NTNG2: variants seen among roughly 807,000 people sequenced by gnomAD.
NTNG2 encodes the protein netrin G2.
A neutral mutation model predicts 47.6 loss-of-function variants in NTNG2; 15 were observed. That is an observed-to-expected ratio of 0.32 (90% CI 0.21 to 0.49). The LOEUF is 0.49. NTNG2 is among the 20% of genes least tolerant of loss of function. The pLI is 0.99. For synonymous variants in NTNG2, 307 were observed against 324.6 expected, an observed-to-expected ratio of 0.95 and a Z score of 0.58; for missense variants, 578 against 764.6, an observed-to-expected ratio of 0.76 and a Z score of 2.88.
At chr9:132,173,973 A>AACGG (rs1836162073) in intron 2 of NTNG2, among the ~76,000 whole-genome samples, 1 of 134,202 alleles carries the variant, frequency 7.5e-6, no homozygotes, top group African/African-American at 2.9e-5. Context: ...TGGACAGACG[A>AACGG]ACAGACAGGC....
At chr9:132,198,711 T>C (rs1487335326) in intron 3 of NTNG2, 102 bp downstream of exon 3, 1 of 1,268,596 alleles carries the variant, frequency 7.9e-7, no homozygotes, top group East Asian at 2.5e-5. Flanking sequence ...ATGTGGAACA[T>C]GACCGGGTTC....
At position 132,162,820 on chromosome 9, in the gene NTNG2, CCGGGAGGGGGT is replaced by C. The variant is rs1835173934; in HGVS notation, c.-484+589_-484+599del. 1.3e-5 allele frequency among the ~76,000 whole-genome samples: 2 copies of C among 151,918 alleles called. No homozygotes were observed. The highest frequency in any genetic ancestry group is 2.4e-5 in the African/African-American group (1 of 41,370). ...GTCCGGCTGGAAACTTCTCCCGGCG[CCGGGAGGGGGT>C]CGGGAGGTGAGGGGGCGCAGGCACT... On this transcript the variant is annotated intron_variant, in intron 1 of 7. Transcript: ENST00000393229. The surrounding 1 kb of genome is among the most constrained non-coding windows in gnomAD (Gnocchi z 4.6).
At chr9:132,229,079 C>T (rs1589535182) in intron 4 of NTNG2, among the ~76,000 whole-genome samples, 1 of 152,118 alleles carries the variant, frequency 6.6e-6, no homozygotes, top group East Asian at 1.9e-4. Flanking sequence ...GCTGGCCCCA[C>T]CTCCTGCTTC....
intron 2 of NTNG2, among the ~76,000 whole-genome samples, chr9:132,187,693 G>A (rs892218321): frequency 1.2e-4 from 18 of 152,126 alleles, no homozygotes; most frequent in African/African-American, 3.9e-4. Context: ...CAGAATCTCC[G>A]TTTCCGCTTT....
Position 132,166,353 on chromosome 9 carries a change from G to T in NTNG2, c.-479G>T, listed in dbSNP as rs1294877263. 5.8e-6 allele frequency: 1 copy of T among 172,808 alleles called. No individual in the cohort carries two copies. The highest frequency in any genetic ancestry group is 1.3e-5 in the Non-Finnish European group (1 of 78,578). 10.7% of individuals were successfully genotyped at this position (172,808 alleles called of 1,614,324 possible). On this transcript the variant is annotated 5_prime_UTR_variant, in exon 2 of 8. Transcript: ENST00000393229. ...TATTTTATCTTTACAACGCAGGCTG[G>T]AGGGTTGTTTTGCCGTTGTGTTGAG... is the stretch of plus-strand genomic sequence containing the variant.
At chr9:132,172,148 C>T (rs1451642706) in intron 2 of NTNG2, among the ~76,000 whole-genome samples, 2 of 152,182 alleles carry the variant, frequency 1.3e-5, no homozygotes, top group African/African-American at 2.4e-5. Context: ...CTCCTCCACC[C>T]GAATGCCTGC....
intron 5 of NTNG2, 34 bp from the exon 6 acceptor site, chr9:132,239,070 G>T: frequency 6.2e-7 from 1 of 1,603,234 alleles, no homozygotes; most frequent in South Asian, 1.1e-5. Context: ...AATGCTCGCT[G>T]ACCATTGGTA....
intron 3 of NTNG2, 143 bp downstream of exon 3, chr9:132,198,752 C>G (rs1033620297): frequency 5.8e-6 from 5 of 857,098 alleles, no homozygotes; most frequent in Non-Finnish European, 8.9e-6. Context: ...CTGGGCGTTA[C>G]CTGGTATGTG....
In NTNG2 at chr9:132,197,664, A is replaced by G. The variant is rs1838413662; in HGVS notation, c.214-302A>G. 1.3e-5 allele frequency among the ~76,000 whole-genome samples: 2 copies of G among 152,180 alleles called. No homozygotes were observed. Among genetic ancestry groups the G allele is most frequent in the Admixed American group, 1.3e-4 (2 of 15,280 alleles). On this transcript the variant is annotated intron_variant, in intron 2 of 7. Coordinates refer to ENST00000393229, the MANE Select transcript of NTNG2 (RefSeq NM_032536.4). This position sits in a 1 kb window ranked among gnomAD's most constrained non-coding sequence, Gnocchi z 4.3. ...TTACAGAGTCAGGACTCTGTATTCC[A>G]GGCAACGGGGAGCCATGGAGGGCTT...
In NTNG2 at chr9:132,215,193, G is replaced by C. The variant is rs1205317664; in HGVS notation, c.858-11656G>C. Among the ~76,000 whole-genome samples, 3 of 152,070 alleles carry C rather than the reference G, an allele frequency of 2.0e-5. No homozygotes were observed. Among genetic ancestry groups the C allele is most frequent in the Non-Finnish European group, 2.9e-5 (2 of 68,020 alleles). On this transcript the variant is annotated intron_variant, in intron 3 of 7. Transcript: ENST00000393229. This position sits in a 1 kb window ranked among gnomAD's most constrained non-coding sequence, Gnocchi z 4.2. Reference sequence around the variant, plus strand: ...TTACACGCATGAGCCACTGCACCAGGCCTAAAATTCAAATGTAACTCAGTG... The same window carrying C: ...TTACACGCATGAGCCACTGCACCAGCCCTAAAATTCAAATGTAACTCAGTG...
In NTNG2 at chr9:132,221,176, G is replaced by A. The variant is rs1262225027; in HGVS notation, c.858-5673G>A. On this transcript the variant is annotated intron_variant, in intron 3 of 7. Coordinates refer to ENST00000393229, the MANE Select transcript of NTNG2 (RefSeq NM_032536.4). The surrounding 1 kb of genome is among the most constrained non-coding windows in gnomAD (Gnocchi z 4.2). ...GGCCTCCCCAAAGAAGTGGCATTTG[G>A]CCTAGAATCTGACACCACCTCTAAA... 6.6e-6 allele frequency among the ~76,000 whole-genome samples: 1 copy of A among 152,164 alleles called. No individual in the cohort carries two copies. The highest frequency in any genetic ancestry group is 1.5e-5 in the Non-Finnish European group (1 of 68,032).
chr9:132,204,331 T>C (rs1052292476), intron 3 of NTNG2, among the ~76,000 whole-genome samples: 4 of 152,180 alleles, frequency 2.6e-5, no homozygotes, highest in African/African-American at 9.7e-5. Flanking sequence ...CTCCCCTCTT[T>C]CTTGCCTTCT....
chr9:132,169,312 T>C (rs998632282), intron 2 of NTNG2, among the ~76,000 whole-genome samples: 1 of 152,218 alleles, frequency 6.6e-6, no homozygotes, highest in African/African-American at 2.4e-5. Flanking sequence ...GAGGCCGCCG[T>C]GGCAGGTGGA....
chr9:132,207,540 T>C (rs1437640196), intron 3 of NTNG2, among the ~76,000 whole-genome samples: 1 of 152,228 alleles, frequency 6.6e-6, no homozygotes. Context: ...CCCGCCCTCC[T>C]GCAGCATGAC....
chr9:132,243,060 CA>C lies in NTNG2; in HGVS notation c.*950del, dbSNP rs142738640. 0.22 allele frequency: 33,571 copies of C among 152,186 alleles called. 4,086 individuals are homozygous for C. Among genetic ancestry groups the C allele is most frequent in the Admixed American group, 0.36 (5,487 of 15,300 alleles). 9.4% of individuals were successfully genotyped at this position (152,186 alleles called of 1,614,324 possible). ...GCCCCACCTGTTAGGAGCCTCCCCA[CA>C]CTGAAAGGCTGCCTCCCTCCTTTCC... On this transcript the variant is annotated 3_prime_UTR_variant, in exon 8 of 8. Coordinates refer to ENST00000393229, the MANE Select transcript of NTNG2 (RefSeq NM_032536.4).
rs1477556932 is a variant in NTNG2, at chr9:132,162,757, C to T, written c.-484+518C>T. Among the ~76,000 whole-genome samples, 1 of 151,990 alleles carries T rather than the reference C, an allele frequency of 6.6e-6. No homozygotes were observed. Among genetic ancestry groups the T allele is most frequent in the Non-Finnish European group, 1.5e-5 (1 of 67,980 alleles). On this transcript the variant is annotated intron_variant, in intron 1 of 7. Transcript: ENST00000393229. The surrounding 1 kb of genome is among the most constrained non-coding windows in gnomAD (Gnocchi z 4.6). ...CCGTGCCCTCCCATCTCTCTGCAAA[C>T]TGGGAGCCTGTGAGTTGCACAGAGA...
chr9:132,212,833 C>T lies in NTNG2; in HGVS notation c.858-14016C>T, dbSNP rs753009416. On this transcript the variant is annotated intron_variant, in intron 3 of 7. Transcript: ENST00000393229. ...GGTCACTTGTCACCTCTTACTCAAGCTGGCCTCTGCAGGCTTCCCTCCTGA... is the reference window on the plus strand; with the variant it reads ...GGTCACTTGTCACCTCTTACTCAAGTTGGCCTCTGCAGGCTTCCCTCCTGA... Among the ~76,000 whole-genome samples, 9 of 152,312 alleles carry T rather than the reference C, an allele frequency of 5.9e-5. No individual in the cohort carries two copies. The South Asian group carries it at 1.5e-3, about 25-fold the overall frequency.
chr9:132,240,391 T>C (rs938682179), intron 6 of NTNG2, among the ~76,000 whole-genome samples: 5 of 152,078 alleles, frequency 3.3e-5, no homozygotes, highest in Non-Finnish European at 7.4e-5. Context: ...AGCTGCAAGG[T>C]TTCTCAGGGT....
At chr9:132,203,407 T>A (rs1838931466) in intron 3 of NTNG2, among the ~76,000 whole-genome samples, 1 of 151,974 alleles carries the variant, frequency 6.6e-6, no homozygotes, top group Non-Finnish European at 1.5e-5. Flanking sequence ...TGTACATGGG[T>A]ACCTATGGTA....
Sources: allele counts gnomAD v4.1 joint callset (sites outside exome capture counted in the v4.1 genomes callset), GRCh38; gene constraint gnomAD v4.1.1; non-coding constraint Gnocchi (gnomAD v3.1); transcripts MANE v1.5; gene names NCBI Gene and HGNC (gene_info 2026-07-23, HGNC 2026-07-21).